EPHB1: variants seen among roughly 807,000 people sequenced by gnomAD.
EPHB1 encodes ephrin type-B receptor 1.
A neutral mutation model predicts 94.4 loss-of-function variants in EPHB1; 30 were observed. The observed-to-expected ratio is 0.32, with a 90% CI of 0.24 to 0.43. The LOEUF (loss-of-function observed/expected upper bound fraction) is 0.43. EPHB1 is among the 20% of genes least tolerant of loss of function. The pLI, the probability that EPHB1 is intolerant of heterozygous loss-of-function variation, is 1.00. For synonymous variants in EPHB1, 522 were observed against 489.1 expected (o/e 1.07, Z -0.89); for missense variants, 1,055 against 1,308.3 (o/e 0.81, Z 2.99).
At chr3:134,985,154 G>GTGTTT (rs1934552149) in intron 3 of EPHB1, among the ~76,000 whole-genome samples, 1 of 152,192 alleles carries the variant, frequency 6.6e-6, no homozygotes. Context: ...GACCTCTGGT[G>GTGTTT]TGTTTTGTTT....
At chr3:135,097,007 T>A (rs903731629) in intron 3 of EPHB1, among the ~76,000 whole-genome samples, 3 of 148,422 alleles carry the variant, frequency 2.0e-5, no homozygotes, top group Admixed American at 6.8e-5. Context: ...GAGGCAGGAG[T>A]ATCGCTTGAA....
At chr3:134,915,546 G>C (rs1008241499) in intron 1 of EPHB1, among the ~76,000 whole-genome samples, 9 of 152,172 alleles carry the variant, frequency 5.9e-5, no homozygotes, top group Middle Eastern at 3.2e-3. Context: ...CTGACTTCAA[G>C]AATGAAGCCA....
At chr3:135,155,787 CAAAAA>C (rs35095229) in intron 6 of EPHB1, among the ~76,000 whole-genome samples, 4 of 59,460 alleles carry the variant, frequency 6.7e-5, no homozygotes, top group African/African-American at 1.9e-4. Flanking sequence ...AAGACTTTGT[CAAAAA>C]AAAAAAAAAA....
chr3:135,028,118 TTTC>T (rs1236071498), intron 3 of EPHB1, among the ~76,000 whole-genome samples: 6,035 of 145,446 alleles, frequency 0.041, 371 homozygotes, highest in African/African-American at 0.15. Context: ...TCTCTCTTTT[TTTC>T]TTTATTAGTC....
intron 3 of EPHB1, among the ~76,000 whole-genome samples, chr3:134,999,633 A>G (rs564536257): frequency 3.0e-4 from 45 of 152,150 alleles, no homozygotes; most frequent in Non-Finnish European, 4.7e-4. Flanking sequence ...TTCAGAGGAG[A>G]AGAAGGGCTG....
At chr3:135,254,565 C>T (rs561073412) in intron 15 of EPHB1, among the ~76,000 whole-genome samples, 3 of 151,992 alleles carry the variant, frequency 2.0e-5, no homozygotes, top group Admixed American at 6.6e-5. Context: ...GGATGAAGCC[C>T]ACTTGATCAT....
At chr3:135,154,063 C>T (rs1023007908) in intron 5 of EPHB1, 89 bp from the exon 6 acceptor site, 3 of 1,555,266 alleles carry the variant, frequency 1.9e-6, no homozygotes, top group Non-Finnish European at 2.6e-6. Context: ...AGCCGAATGC[C>T]ATTTTTCTCC....
intron 1 of EPHB1, among the ~76,000 whole-genome samples, chr3:134,799,454 G>A (rs1241638659): frequency 6.6e-6 from 1 of 152,222 alleles, no homozygotes; most frequent in African/African-American, 2.4e-5. Context: ...GTGCAAAGTG[G>A]AACGATCACC....
chr3:135,117,189 T>C (rs1939754936), intron 4 of EPHB1, among the ~76,000 whole-genome samples: 1 of 152,212 alleles, frequency 6.6e-6, no homozygotes. Context: ...GAATAATGTA[T>C]GAAGTTAGGT....
In EPHB1 at chr3:134,795,535, A is replaced by G; in HGVS notation, c.-97A>G. On this transcript the variant is annotated 5_prime_UTR_variant, in exon 1 of 16. Transcript: ENST00000398015. ...GGCGAGAGCGCGAAAGGATACCGAG[A>G]AGCCACCCGCGGAGAGCGCAGCGGC... The G allele has an allele frequency of 8.3e-7, 1 of 1,202,592 alleles. No homozygotes were observed. The allele number at this position is 1,202,592 out of a possible 1,614,324, so 74.5% of individuals were successfully genotyped here.
intron 11 of EPHB1, among the ~76,000 whole-genome samples, chr3:135,198,835 T>C (rs1942689382): frequency 6.6e-6 from 1 of 152,180 alleles, no homozygotes; most frequent in African/African-American, 2.4e-5. Context: ...TATGTTCTTA[T>C]TTTACAGATG....
At chr3:135,252,228 A>G (rs1933143757) in intron 15 of EPHB1, among the ~76,000 whole-genome samples, 1 of 150,862 alleles carries the variant, frequency 6.6e-6, no homozygotes, top group Non-Finnish European at 1.5e-5. Context: ...ATTTTTTATT[A>G]TTATACTTTA....
chr3:135,152,875 G>A (rs947264540), intron 5 of EPHB1, among the ~76,000 whole-genome samples: 1 of 152,156 alleles, frequency 6.6e-6, no homozygotes, highest in Non-Finnish European at 1.5e-5. Flanking sequence ...ACTCTGAGAG[G>A]TGCATTTCAC....
chr3:135,238,095 T>C (rs576279700), intron 12 of EPHB1, among the ~76,000 whole-genome samples: 5 of 152,362 alleles, frequency 3.3e-5, no homozygotes, highest in African/African-American at 1.2e-4. Flanking sequence ...ATATCAATAA[T>C]CATCACCATG....
At chr3:135,195,993 C>A (rs1942596430) in intron 11 of EPHB1, among the ~76,000 whole-genome samples, 1 of 117,746 alleles carries the variant, frequency 8.5e-6, no homozygotes, top group Non-Finnish European at 1.8e-5. Context: ...CTCTCCAGCA[C>A]CTGTTGTTTC....
At position 135,239,128 on chromosome 3, in the gene EPHB1, C is replaced by A. The variant is rs116277485; in HGVS notation, c.2347-2020C>A. On this transcript the variant is annotated intron_variant, in intron 12 of 15. Transcript: ENST00000398015. ...GCTGGCATTTGAGCTGAGGACATCTCCCCCACCACAAAAGCCTGCCACCAT... is the reference window on the plus strand; with the variant it reads ...GCTGGCATTTGAGCTGAGGACATCTACCCCACCACAAAAGCCTGCCACCAT... Among the ~76,000 whole-genome samples the A allele has an allele frequency of 6.3e-3, 955 of 152,292 alleles. 10 individuals carry two copies. The highest frequency in any genetic ancestry group is 0.022 in the African/African-American group (901 of 41,554).
intron 15 of EPHB1, among the ~76,000 whole-genome samples, chr3:135,257,216 T>A (rs1207283596): frequency 2.0e-5 from 3 of 152,188 alleles, no homozygotes; most frequent in African/African-American, 7.2e-5. Flanking sequence ...TTCTCTCAAC[T>A]CGTCAAAGTC....
intron 3 of EPHB1, among the ~76,000 whole-genome samples, chr3:135,039,243 G>A (rs553491885): frequency 6.6e-6 from 1 of 152,272 alleles, no homozygotes; most frequent in South Asian, 2.1e-4. Context: ...AGAGAGTGTC[G>A]ATTGGTGCAC....
chr3:134,985,851 T>C, intron 3 of EPHB1, among the ~76,000 whole-genome samples: 1 of 152,322 alleles, frequency 6.6e-6, no homozygotes, highest in Non-Finnish European at 1.5e-5. Flanking sequence ...TGGCTTTAGA[T>C]AGCAGAAGCC....
Sources: allele counts gnomAD v4.1 joint callset (sites outside exome capture counted in the v4.1 genomes callset), GRCh38; gene constraint gnomAD v4.1.1; transcripts MANE v1.5; gene names NCBI Gene and HGNC (gene_info 2026-07-23, HGNC 2026-07-21).